The following EBF2 variants were observed in gnomAD, a reference collection of about 807,000 sequenced individuals.
EBF2 encodes the protein EBF transcription factor 2.
A neutral mutation model predicts 72.8 loss-of-function variants in EBF2; 21 were observed. The ratio of observed to expected loss-of-function variants is 0.29; its 90% confidence interval spans 0.20 to 0.42. The LOEUF is 0.42. Ranked by LOEUF, EBF2 falls within the 10% of genes least tolerant of loss-of-function variation. The probability of loss-of-function intolerance (pLI) is 1.00; values close to 1 mark genes in which losing one functional copy is unlikely to be tolerated. For missense variants in EBF2, 637 were observed against 731.2 expected, an observed-to-expected ratio of 0.87 and a Z score of 1.49; for synonymous variants, 299 against 274.2, an observed-to-expected ratio of 1.09 and a Z score of -0.89.
At chr8:25,946,662 C>T (rs904314291) in intron 6 of EBF2, among the ~76,000 whole-genome samples, 19 of 152,166 alleles carry the variant, frequency 1.2e-4, no homozygotes, top group Middle Eastern at 3.2e-3. Context: ...GAAACCTAGA[C>T]GGCAGCCCAG....
At chr8:25,960,733 G>C (rs1161510521) in intron 6 of EBF2, among the ~76,000 whole-genome samples, 3 of 152,136 alleles carry the variant, frequency 2.0e-5, no homozygotes, top group African/African-American at 7.2e-5. Flanking sequence ...TCATCAAAAA[G>C]CCTCAAGAGA....
intron 9 of EBF2, among the ~76,000 whole-genome samples, chr8:25,887,117 GTC>G (rs67623458): frequency 0.52 from 77,255 of 149,404 alleles, 22,493 homozygotes; most frequent in East Asian, 0.72. Flanking sequence ...GTATGTCTCT[GTC>G]TCTCTCTCTC....
intron 2 of EBF2, 124 bp from the exon 3 acceptor site, chr8:26,041,126 CT>C: frequency 1.8e-6 from 2 of 1,098,612 alleles, no homozygotes. Flanking sequence ...GAGTAACCCC[CT>C]GTTCAGCCCT....
intron 6 of EBF2, among the ~76,000 whole-genome samples, chr8:25,926,894 G>A (rs1803396989): frequency 6.6e-6 from 1 of 152,224 alleles, no homozygotes; most frequent in Admixed American, 6.5e-5. Context: ...GAATGAAGGA[G>A]GAGGTCCACA....
intron 6 of EBF2, among the ~76,000 whole-genome samples, chr8:26,014,368 G>C (rs752514878): frequency 6.6e-6 from 1 of 152,012 alleles, no homozygotes; most frequent in African/African-American, 2.4e-5. Context: ...ATTAGTAGTA[G>C]TATTAGTATT....
chr8:25,925,365 G>C (rs1056377049), intron 6 of EBF2, among the ~76,000 whole-genome samples: 1 of 151,882 alleles, frequency 6.6e-6, no homozygotes, highest in Admixed American at 6.6e-5. Flanking sequence ...CAGGGCAATG[G>C]GTCAAGAGTC....
At chr8:26,017,622 G>A (rs994394942) in intron 6 of EBF2, among the ~76,000 whole-genome samples, 6 of 152,102 alleles carry the variant, frequency 3.9e-5, no homozygotes, top group African/African-American at 1.4e-4. Context: ...ACCGGCCACA[G>A]CATACCCATA....
At chr8:25,937,971 G>T (rs1365048578) in intron 6 of EBF2, among the ~76,000 whole-genome samples, 1 of 151,802 alleles carries the variant, frequency 6.6e-6, no homozygotes, top group African/African-American at 2.4e-5. Flanking sequence ...AAAGATGATG[G>T]GAAAAGAAAG....
rs1283256779 is a variant in EBF2 at position 25,993,298 on chromosome 8, G to A, written c.551+39787C>T. 3.3e-5 allele frequency among the ~76,000 whole-genome samples: 5 copies of A among 152,130 alleles called. No homozygotes were observed. In the East Asian group the frequency reaches 7.7e-4, roughly 23 times the overall value. ...CACTTTGCAAATGCCCAGCTATTAG[G>A]ACTCCTCTTCCCTATAAATTGGCCA... On this transcript the variant is annotated intron_variant, in intron 6 of 15. Transcript: ENST00000520164.
chr8:25,902,089 A>G (rs1802963452), intron 7 of EBF2, among the ~76,000 whole-genome samples: 1 of 152,178 alleles, frequency 6.6e-6, no homozygotes, highest in African/African-American at 2.4e-5. Flanking sequence ...CAGCCATCCT[A>G]TCTATGACAG....
chr8:25,876,870 C>T (rs183641227), intron 10 of EBF2, among the ~76,000 whole-genome samples: 5 of 152,268 alleles, frequency 3.3e-5, no homozygotes, highest in African/African-American at 1.2e-4. Flanking sequence ...TGGTGATACT[C>T]GGAGCCTGTA....
In EBF2 at chr8:25,842,573, A is replaced by G. The variant is rs1460841775; in HGVS notation, c.*2036T>C. The G allele has an allele frequency of 1.3e-5, 2 of 152,168 alleles. No homozygotes were observed. The highest frequency in any genetic ancestry group is 1.5e-5 in the Non-Finnish European group (1 of 68,040). The allele number at this position is 152,168 out of a possible 1,614,324, so 9.4% of individuals were successfully genotyped here. The stretch of plus-strand genomic sequence containing the variant: ...TTCCACACATTCTTCCCCTTCCATC[A>G]ATCAGGTTTCTCACTGGGGGACTTT... On this transcript the variant is annotated 3_prime_UTR_variant, in exon 16 of 16. Transcript: ENST00000520164.
rs1396829597 is a variant in EBF2 at position 26,045,357 on chromosome 8, G to T, written c.-498C>A. ...CCGAGAGGAGGCGGTGGCTGCGAGC[G>T]CCACGGAGCCCGGCTGCAGCCGCGC... On this transcript the variant is annotated 5_prime_UTR_variant, in exon 1 of 16. Coordinates refer to ENST00000520164, the MANE Select transcript of EBF2 (RefSeq NM_022659.4). 5 of 152,364 alleles carry T rather than the reference G, an allele frequency of 3.3e-5. No individual in the cohort carries two copies. The highest frequency in any genetic ancestry group is 1.9e-4 in the East Asian group (1 of 5,188). The allele number at this position is 152,364 out of a possible 1,614,324, so 9.4% of individuals were successfully genotyped here. A position where few individuals can be genotyped will look rare whatever the true frequency, so the allele number is the denominator to read the frequency against.
At chr8:25,873,345 G>A (rs1241384813) in intron 10 of EBF2, among the ~76,000 whole-genome samples, 6 of 152,148 alleles carry the variant, frequency 3.9e-5, no homozygotes, top group Non-Finnish European at 5.9e-5. Flanking sequence ...ATGATTCTAA[G>A]GCTATCACTG....
At chr8:25,950,871 T>TA (rs1390947193) in intron 6 of EBF2, among the ~76,000 whole-genome samples, 28 of 150,812 alleles carry the variant, frequency 1.9e-4, no homozygotes, top group East Asian at 5.8e-4. Flanking sequence ...AAATTGATAT[T>TA]AAAAAAAAAG....
At chr8:26,033,989 G>C (rs1054434182) in intron 5 of EBF2, among the ~76,000 whole-genome samples, 6 of 152,152 alleles carry the variant, frequency 3.9e-5, no homozygotes, top group Admixed American at 2.6e-4. Flanking sequence ...TATTAAGATG[G>C]ATAAGGTCAC....
rs554021645 is a variant in EBF2, at chr8:25,855,341, T to C, written c.1528+2978A>G. Reference sequence around the variant, plus strand: ...AGAATTCAGCCATAAAAACTTGCACTGAGCTGGAACTTGGCACACTGCTAC... The same window carrying C: ...AGAATTCAGCCATAAAAACTTGCACCGAGCTGGAACTTGGCACACTGCTAC... On this transcript the variant is annotated intron_variant, in intron 14 of 15. Transcript: ENST00000520164. Among the ~76,000 whole-genome samples, 7 of 152,286 alleles carry C rather than the reference T, an allele frequency of 4.6e-5. No homozygotes were observed. In the South Asian group the frequency reaches 1.5e-3, roughly 32 times the overall value.
intron 7 of EBF2, among the ~76,000 whole-genome samples, chr8:25,890,666 T>C (rs1802762355): frequency 6.6e-6 from 1 of 152,192 alleles, no homozygotes; most frequent in Non-Finnish European, 1.5e-5. Context: ...TAGGCACACA[T>C]CCCTAGTCCA....
intron 6 of EBF2, among the ~76,000 whole-genome samples, chr8:26,030,821 G>A (rs1195412643): frequency 6.6e-6 from 1 of 152,184 alleles, no homozygotes; most frequent in Non-Finnish European, 1.5e-5. Context: ...CTGCAGCCAA[G>A]ATACGATTTC....
Sources: allele counts gnomAD v4.1 joint callset (sites outside exome capture counted in the v4.1 genomes callset), GRCh38; gene constraint gnomAD v4.1.1; transcripts MANE v1.5; gene names NCBI Gene and HGNC (gene_info 2026-07-23, HGNC 2026-07-21).